The following PSME4 variants were observed in gnomAD, a reference collection of about 807,000 sequenced individuals.
PSME4 encodes proteasome activator complex subunit 4.
Under a neutral mutation model 253.9 loss-of-function variants are expected in PSME4, and 89 were observed. The observed-to-expected ratio is 0.35, with a 90% CI of 0.30 to 0.42. PSME4 has a LOEUF of 0.42. Ranked by LOEUF, PSME4 falls within the 10% of genes least tolerant of loss-of-function variation. The pLI is 1.00. For synonymous variants in PSME4, 851 were observed against 759.2 expected, an observed-to-expected ratio of 1.12 and a Z score of -1.99; for missense variants, 2,014 against 2,195.2, an observed-to-expected ratio of 0.92 and a Z score of 1.65.
chr2:53,878,810 C>T (rs774245948), intron 41 of PSME4, among the ~76,000 whole-genome samples: 2 of 152,168 alleles, frequency 1.3e-5, no homozygotes, highest in African/African-American at 2.4e-5. Flanking sequence ...AATGTGTGCC[C>T]GAAACTTAAT....
At position 53,970,955 on chromosome 2, in the gene PSME4, C is replaced by A; in HGVS notation, c.-171G>T. On this transcript the variant is annotated 5_prime_UTR_variant, in exon 1 of 47. Transcript: ENST00000404125. ...CTGGCCGGCGTGCTGCTGGGCCCCA[C>A]GCGGCTCTCAGTTCGTTGGCGGCGG... 6 of 525,884 alleles carry A rather than the reference C, an allele frequency of 1.1e-5. No individual in the cohort carries two copies. The highest frequency in any genetic ancestry group is 1.9e-5 in the Non-Finnish European group (6 of 318,560). 32.6% of individuals were successfully genotyped at this position (525,884 alleles called of 1,614,324 possible).
intron 20 of PSME4, chr2:53,917,338 T>C (rs1234575092): frequency 6.5e-6 from 1 of 152,752 alleles, no homozygotes; most frequent in Admixed American, 6.6e-5. Context: ...AAGATTATCA[T>C]AATATATTCT....
intron 1 of PSME4, among the ~76,000 whole-genome samples, chr2:53,949,807 T>C (rs193073152): frequency 2.0e-5 from 3 of 152,332 alleles, no homozygotes; most frequent in Admixed American, 2.0e-4. Flanking sequence ...CAACAATGTA[T>C]ATATGGTTAA....
At chr2:53,960,386 G>A (rs562303649) in intron 1 of PSME4, among the ~76,000 whole-genome samples, 17 of 141,758 alleles carry the variant, frequency 1.2e-4, no homozygotes, top group Non-Finnish European at 2.1e-4. Context: ...GCAACAGAGC[G>A]AGACTCCATC....
intron 43 of PSME4, chr2:53,870,032 G>A (rs1355144353): frequency 1.3e-5 from 2 of 152,262 alleles, no homozygotes; most frequent in Non-Finnish European, 2.9e-5. Context: ...CACAAACACA[G>A]TTTACAAAAG....
chr2:53,968,582 T>A (rs1573395996), intron 1 of PSME4, among the ~76,000 whole-genome samples: 1 of 152,280 alleles, frequency 6.6e-6, no homozygotes, highest in South Asian at 2.1e-4. Context: ...TCACAACATG[T>A]CCCACCGCAT....
chr2:53,905,545 G>GAAAA (rs973285095), intron 26 of PSME4, among the ~76,000 whole-genome samples: 2 of 152,006 alleles, frequency 1.3e-5, no homozygotes, highest in Non-Finnish European at 2.9e-5. Context: ...TATTAAAAAT[G>GAAAA]AAAAAAATTA....
intron 3 of PSME4, among the ~76,000 whole-genome samples, chr2:53,940,642 A>G (rs1669346953): frequency 6.6e-6 from 1 of 151,748 alleles, no homozygotes; most frequent in African/African-American, 2.4e-5. Context: ...CTTTTTTAAT[A>G]AAAAGGCCAA....
At chr2:53,941,110 T>A (rs986986735) in intron 3 of PSME4, among the ~76,000 whole-genome samples, 1 of 144,032 alleles carries the variant, frequency 6.9e-6, no homozygotes, top group East Asian at 2.0e-4. Flanking sequence ...TAGGAACTAA[T>A]CTGCAAAGAA....
At chr2:53,923,650 T>A (rs1241108920) in intron 14 of PSME4, among the ~76,000 whole-genome samples, 1 of 152,066 alleles carries the variant, frequency 6.6e-6, no homozygotes, top group Non-Finnish European at 1.5e-5. Flanking sequence ...TGGCTGGATG[T>A]GGTGGCTCAC....
At chr2:53,873,619 C>G (rs555122485) in intron 43 of PSME4, among the ~76,000 whole-genome samples, 4 of 152,300 alleles carry the variant, frequency 2.6e-5, no homozygotes, top group Admixed American at 2.6e-4. Context: ...TGTAACCTCA[C>G]CACAAAAGTT....
chr2:53,926,111 G>T, intron 12 of PSME4, 88 bp from the exon 13 acceptor site: 1 of 989,270 alleles, frequency 1.0e-6, no homozygotes, highest in Non-Finnish European at 1.6e-6. Flanking sequence ...CCTGCCAAAT[G>T]TATCCACACT....
intron 1 of PSME4, among the ~76,000 whole-genome samples, chr2:53,955,212 T>C (rs1670176430): frequency 6.6e-6 from 1 of 152,162 alleles, no homozygotes; most frequent in Non-Finnish European, 1.5e-5. Flanking sequence ...TGCACATATG[T>C]AATTTCCAAA....
chr2:53,897,284 C>G (rs551740452), intron 31 of PSME4, among the ~76,000 whole-genome samples: 1 of 152,002 alleles, frequency 6.6e-6, no homozygotes, highest in South Asian at 2.1e-4. Context: ...ATTCTACTGC[C>G]TCAGCCTCCC....
Position 53,940,932 on chromosome 2 carries a change from C to CATATTTAAATATAT in PSME4, c.501-933_501-932insATATATTTAAATAT, listed in dbSNP as rs1362984314. Among the ~76,000 whole-genome samples the CATATTTAAATATAT allele has an allele frequency of 2.6e-3, 154 of 59,732 alleles. 6 individuals carry two copies. Among genetic ancestry groups the CATATTTAAATATAT allele is most frequent in the Non-Finnish European group, 3.8e-3 (119 of 31,382 alleles). The allele number at this position is 59,732 out of a possible 152,430, so 39.2% of individuals were successfully genotyped here. A position where few individuals can be genotyped will look rare whatever the true frequency, so the allele number is the denominator to read the frequency against. The stretch of plus-strand genomic sequence containing the variant: ...TACATATTTAAATATATATATAATA[C>CATATTTAAATATAT]ATATATAAATATATATATACATATA... On this transcript the variant is annotated intron_variant, in intron 3 of 46. Transcript: ENST00000404125.
intron 1 of PSME4, among the ~76,000 whole-genome samples, chr2:53,965,774 ATTC>A (rs1309627348): frequency 1.3e-5 from 2 of 151,782 alleles, no homozygotes; most frequent in African/African-American, 4.8e-5. Flanking sequence ...GGTTCAAGCA[ATTC>A]TTCTGCCTCA....
At chr2:53,904,422 C>CATTT (rs1488872485) in intron 26 of PSME4, among the ~76,000 whole-genome samples, 3 of 152,142 alleles carry the variant, frequency 2.0e-5, no homozygotes, top group Non-Finnish European at 4.4e-5. Context: ...AACCTATATG[C>CATTT]ATTTGCTCAG....
At chr2:53,876,063 A>G (rs1361699147) in intron 41 of PSME4, among the ~76,000 whole-genome samples, 1 of 152,216 alleles carries the variant, frequency 6.6e-6, no homozygotes, top group Admixed American at 6.5e-5. Context: ...TCCCTTAAAA[A>G]AGAATCATGT....
At chr2:53,957,360 A>T (rs1670283280) in intron 1 of PSME4, among the ~76,000 whole-genome samples, 2 of 152,216 alleles carry the variant, frequency 1.3e-5, no homozygotes, top group Non-Finnish European at 2.9e-5. Context: ...CATAATGTAG[A>T]ATCAGTGGGA....
Sources: allele counts gnomAD v4.1 joint callset (sites outside exome capture counted in the v4.1 genomes callset), GRCh38; gene constraint gnomAD v4.1.1; transcripts MANE v1.5; gene names NCBI Gene and HGNC (gene_info 2026-07-23, HGNC 2026-07-21).